Variants in ZNF543 observed in about 807,000 individuals in gnomAD.
ZNF543 encodes zinc finger protein 543.
Under a neutral mutation model 13.4 loss-of-function variants are expected in ZNF543, and 10 were observed. The ratio of observed to expected loss-of-function variants is 0.75; its 90% CI spans 0.46 to 1.26. The LOEUF (loss-of-function observed/expected upper bound fraction) is 1.26. ZNF543 is among the 50% of genes most tolerant of loss of function. The probability of loss-of-function intolerance (pLI) is 0.00; values close to 1 mark genes in which losing one functional copy is unlikely to be tolerated. For missense variants in ZNF543, 768 were observed against 741.2 expected, an observed-to-expected ratio of 1.04 and a Z score of -0.42; for synonymous variants, 272 against 264.7, an observed-to-expected ratio of 1.03 and a Z score of -0.27.
chr19:57,328,012 C>T lies in ZNF543; in HGVS notation c.550C>T (p.His184Tyr). 2 of 1,614,208 alleles carry T rather than the reference C, an allele frequency of 1.2e-6. No homozygotes were observed. The highest frequency in any genetic ancestry group is 1.7e-6 in the Non-Finnish European group (2 of 1,180,046). The part of the protein sequence containing the change: ...TEGDLYECDS[H>Y]GPVTDALIRE... ...AGGTGATCTCTATGAATGTGATTCA[C>T]ATGGACCAGTTACAGATGCCTTGAT... Residue 184 changes from histidine to tyrosine, a missense_variant, in exon 4 of 4, where the codon CAT (histidine) becomes TAT (tyrosine). His to Tyr is a moderately conservative substitution (Grantham distance 83, BLOSUM62 2). Transcript: ENST00000321545.
At chr19:57,326,499 G>T (rs1217924231) in intron 2 of ZNF543, 134 bp from the exon 3 acceptor site, 1 of 651,094 alleles carries the variant, frequency 1.5e-6, no homozygotes, top group Non-Finnish European at 2.6e-6. Context: ...TATGGTCACG[G>T]TTCAACGTTT....
At chr19:57,325,998 G>A (rs1453277116) in intron 2 of ZNF543, among the ~76,000 whole-genome samples, 1 of 152,162 alleles carries the variant, frequency 6.6e-6, no homozygotes, top group African/African-American at 2.4e-5. Flanking sequence ...CAGTTGATCA[G>A]GGTTGCCATT....
chr19:57,328,184 A>C lies in ZNF543; in HGVS notation c.722A>C (p.His241Pro), dbSNP rs2088135580. Residue 241 changes from histidine to proline, a missense_variant, in exon 4 of 4, where the codon CAT (histidine) becomes CCT (proline). This residue lies in a region of ZNF543 where 677 missense variants were observed against 631.4 expected (regional missense o/e 1.07). Coordinates refer to ENST00000321545, the MANE Select transcript of ZNF543 (RefSeq NM_213598.4). ...ECGKTFSKST[H>P]LLQHLIIHTG... ...GGGAAAACCTTTAGCAAGAGCACTC[A>C]TCTTCTTCAGCACCTCATCATCCAC... The C allele has an allele frequency of 6.2e-7, 1 of 1,613,230 alleles. No homozygotes were observed. The highest frequency in any genetic ancestry group is 8.5e-7 in the Non-Finnish European group (1 of 1,179,360).
chr19:57,321,969 G>A (rs78491842), intron 1 of ZNF543, among the ~76,000 whole-genome samples: 96 of 152,294 alleles, frequency 6.3e-4, no homozygotes, highest in African/African-American at 1.8e-3. Context: ...TTTCCTGAGT[G>A]GTTTTCTCCT....
intron 3 of ZNF543, 135 bp downstream of exon 3, chr19:57,326,863 GCCCGCCCCCCCCCA>G (rs1416937885): frequency 3.8e-5 from 22 of 579,756 alleles, no homozygotes; most frequent in Non-Finnish European, 5.8e-5. Flanking sequence ...GCCTCTCCCC[GCCCGCCCCCCCCCA>G]CCCGCCTTCA....
rs146240795 is a variant in ZNF543, at chr19:57,324,139, C to T, written c.145+331C>T. On this transcript the variant is annotated intron_variant, in intron 2 of 3. Coordinates refer to ENST00000321545, the MANE Select transcript of ZNF543 (RefSeq NM_213598.4). ...GGCCGACGCGGACAAATCAGGAGGT[C>T]AGGAGTTTGAGACAAGCCTGGGCAA... Among the ~76,000 whole-genome samples, 388 of 152,186 alleles carry T rather than the reference C, an allele frequency of 2.5e-3. 1 individual carries two copies. The highest frequency in any genetic ancestry group is 8.7e-3 in the African/African-American group (362 of 41,522).
chr19:57,326,699 C>T lies in ZNF543; in HGVS notation c.212C>T (p.Thr71Ile). ...CACAGACAGGAGCTATGGATGGCTA[C>T]AAAAGACCTCTCCCAAAGCTCCTAT... Reference protein sequence around the residue: ...LDHRQELWMATKDLSQSSYPG... With the variant: ...LDHRQELWMAIKDLSQSSYPG... The change falls in exon 3 of 4, where the codon ACA becomes ATA. Residue 71 changes from threonine to isoleucine, a missense_variant. Around this residue, in one of 3 missense-constraint regions of ZNF543, gnomAD observed 14 missense variants for 34.3 expected, o/e 0.41. Coordinates refer to ENST00000321545, the MANE Select transcript of ZNF543 (RefSeq NM_213598.4). The T allele has an allele frequency of 6.2e-7, 1 of 1,613,952 alleles. No homozygotes were observed. The highest frequency in any genetic ancestry group is 8.5e-7 in the Non-Finnish European group (1 of 1,179,988).
Position 57,328,621 on chromosome 19 carries a change from A to C in ZNF543, c.1159A>C (p.Ile387Leu), listed in dbSNP as rs1380046131. 1 of 1,612,964 alleles carries C rather than the reference A, an allele frequency of 6.2e-7. No homozygotes were observed. The highest frequency in any genetic ancestry group is 1.3e-5 in the African/African-American group (1 of 74,494). The change falls in exon 4 of 4, where the codon ATT (isoleucine) becomes CTT (leucine). Residue 387 changes from isoleucine to leucine, a missense_variant. Transcript: ENST00000321545. ...GAGTGCAGACCTCATTCAACACTACATTATCCACACTGGGGAGAAGCCCTA... is the reference window on the plus strand; with the variant it reads ...GAGTGCAGACCTCATTCAACACTACCTTATCCACACTGGGGAGAAGCCCTA... ...CESADLIQHY[I>L]IHTGEKPYKC...
chr19:57,327,829 G>C lies in ZNF543; in HGVS notation c.367G>C (p.Asp123His), dbSNP rs1280159501. 1 of 1,614,138 alleles carries C rather than the reference G, an allele frequency of 6.2e-7. No homozygotes were observed. The highest frequency in any genetic ancestry group is 2.2e-5 in the East Asian group (1 of 44,824). ...SKNSQLGQSK[D>H]QDGPSEMQEV... Reference sequence around the variant, plus strand: ...GAACTCCCAATTAGGGCAATCCAAGGATCAGGATGGGCCATCTGAAATGCA... The same window carrying C: ...GAACTCCCAATTAGGGCAATCCAAGCATCAGGATGGGCCATCTGAAATGCA... Residue 123 changes from aspartate to histidine, a missense_variant, in exon 4 of 4, where the codon GAT becomes CAT. By Grantham distance (81) the Asp-to-His change is moderately conservative. Coordinates refer to ENST00000321545, the MANE Select transcript of ZNF543 (RefSeq NM_213598.4).
In ZNF543 at chr19:57,327,990, T is replaced by A; in HGVS notation, c.528T>A (p.Gly176=). 6.2e-7 allele frequency: 1 copy of A among 1,614,164 alleles called. No homozygotes were observed. Among genetic ancestry groups the A allele is most frequent in the East Asian group, 2.2e-5 (1 of 44,886 alleles). ...CACAGAAACAAGTTTCAACAGAAGG[T>A]GATCTCTATGAATGTGATTCACATG... ...KITQKQVSTE[G]DLYECDSHGP... The change falls in exon 4 of 4, where the codon GGT becomes GGA. Residue 176 remains glycine, a synonymous_variant. Transcript: ENST00000321545.
intron 2 of ZNF543, among the ~76,000 whole-genome samples, chr19:57,324,993 G>C (rs1046772248): frequency 6.6e-6 from 1 of 152,128 alleles, no homozygotes; most frequent in African/African-American, 2.4e-5. Flanking sequence ...ATAAATATCA[G>C]TTATTGACAT....
chr19:57,326,506 GTTTTC>G, intron 2 of ZNF543, 122 bp from the exon 3 acceptor site: 1 of 686,212 alleles, frequency 1.5e-6, no homozygotes, highest in Non-Finnish European at 2.5e-6. Context: ...ACGGTTCAAC[GTTTTC>G]TTTGCTTGGC....
chr19:57,326,802 T>G (rs2088123555), intron 3 of ZNF543, 74 bp downstream of exon 3: 1 of 1,238,828 alleles, frequency 8.1e-7, no homozygotes, highest in Non-Finnish European at 1.2e-6. Context: ...CCTCTGAATT[T>G]TGTGGGCAAT....
chr19:57,327,688 A>T lies in ZNF543; in HGVS notation c.242-16A>T, dbSNP rs1211771388. ...CCATCTCTAATAAGCCTTTTTGTGT[A>T]TTGTGTTCGTTCCAGGTGACAACAC... On this transcript the variant is annotated splice_polypyrimidine_tract_variant and intron_variant, in intron 3 of 3. Coordinates refer to ENST00000321545, the MANE Select transcript of ZNF543 (RefSeq NM_213598.4). The T allele has an allele frequency of 1.3e-6, 2 of 1,581,376 alleles. No individual in the cohort carries two copies. The highest frequency in any genetic ancestry group is 2.2e-5 in the East Asian group (1 of 44,584).
rs763866287 is a variant in ZNF543 at position 57,323,740 on chromosome 19, T to A, written c.77T>A (p.Leu26Ter). 4 of 1,613,684 alleles carry A rather than the reference T, an allele frequency of 2.5e-6. No homozygotes were observed. In the African/African-American group the frequency reaches 5.3e-5, roughly 22 times the overall value. ...TTCACCCAGGAGGAGTGGGGACAGT[T>A]GGATGCAGCCCAGAGAACCTTGTAT... ...VTFTQEEWGQLDAAQRTLYQE... is the reference protein window; with the variant it reads ...VTFTQEEWGQ The change falls in exon 2 of 4, where the codon TTG becomes TAG. Residue 26 changes from leucine (L) to a stop codon, truncating the protein, a stop_gained. Coordinates refer to ENST00000321545, the MANE Select transcript of ZNF543 (RefSeq NM_213598.4). LOFTEE classifies it high-confidence loss of function.
intron 2 of ZNF543, 122 bp from the exon 3 acceptor site, chr19:57,326,511 C>A (rs1431077989): frequency 3.8e-5 from 27 of 709,538 alleles, no homozygotes; most frequent in Non-Finnish European, 6.3e-5. Context: ...TCAACGTTTT[C>A]TTTGCTTGGC....
intron 3 of ZNF543, 67 bp from the exon 4 acceptor site, chr19:57,327,637 C>A: frequency 6.5e-7 from 1 of 1,528,908 alleles, no homozygotes; most frequent in Non-Finnish European, 8.7e-7. Context: ...GAATCACTGT[C>A]CCTGGCCTTT....
At position 57,328,941 on chromosome 19, in the gene ZNF543, C is replaced by A. The variant is rs754892066; in HGVS notation, c.1479C>A (p.His493Gln). 6.8e-6 allele frequency: 11 copies of A among 1,614,084 alleles called. No homozygotes were observed. Among genetic ancestry groups the A allele is most frequent in the Non-Finnish European group, 9.3e-6 (11 of 1,180,028 alleles). The change falls in exon 4 of 4, where the codon CAC (histidine) becomes CAA (glutamine). Residue 493 changes from histidine to glutamine, a missense_variant. Around this residue, in one of 3 missense-constraint regions of ZNF543, gnomAD observed 677 missense variants for 631.4 expected, o/e 1.07. Coordinates refer to ENST00000321545, the MANE Select transcript of ZNF543 (RefSeq NM_213598.4). ...ECGKAFNRSS[H>Q]LTRHQQIHTG... Reference sequence around the variant, plus strand: ...GAAAGGCCTTCAACCGCAGCTCACACCTCACGAGGCACCAACAGATTCACA... The same window carrying A: ...GAAAGGCCTTCAACCGCAGCTCACAACTCACGAGGCACCAACAGATTCACA...
intron 1 of ZNF543, among the ~76,000 whole-genome samples, chr19:57,322,768 T>C (rs1284094778): frequency 6.6e-6 from 1 of 152,142 alleles, no homozygotes; most frequent in East Asian, 1.9e-4. Flanking sequence ...CAGTGTTTCC[T>C]TTACAGCTTT....
Sources: gnomAD v4.1 joint callset for allele counts (sites outside exome capture counted in the v4.1 genomes callset) on GRCh38, gnomAD v4.1.1 for gene constraint, gnomAD v4.1.1 regional missense constraint, MANE v1.5 for transcripts, NCBI Gene and HGNC (gene_info 2026-07-23, HGNC 2026-07-21) for gene names.